GREB1L: variants seen among roughly 807,000 people sequenced by gnomAD.
The protein encoded by GREB1L is GREB1 like retinoic acid receptor coactivator.
A neutral mutation model predicts 200.8 loss-of-function variants in GREB1L; 17 were observed. The observed-to-expected ratio is 0.08, with a 90% CI of 0.06 to 0.13. The LOEUF is 0.13. GREB1L is among the 10% of genes least tolerant of loss of function. GREB1L has a pLI of 1.00. For synonymous variants in GREB1L, 789 were observed against 893.0 expected, an observed-to-expected ratio of 0.88 and a Z score of 2.08; for missense variants, 1,657 against 2,367.7, an observed-to-expected ratio of 0.70 and a Z score of 6.23.
intron 31 of GREB1L, among the ~76,000 whole-genome samples, chr18:21,519,298 C>T (rs2037531474): frequency 6.6e-6 from 1 of 152,024 alleles, no homozygotes. Context: ...CCTGTCACTA[C>T]AAAAAATAAA....
chr18:21,481,439 A>ATGTG (rs34711292), intron 17 of GREB1L, among the ~76,000 whole-genome samples: 4,922 of 127,166 alleles, frequency 0.039, 139 homozygotes, highest in Non-Finnish European at 0.062. Context: ...GTATATATGT[A>ATGTG]TGTGTGTGTG....
At chr18:21,365,198 A>G (rs906749142) in intron 1 of GREB1L, among the ~76,000 whole-genome samples, 25 of 152,128 alleles carry the variant, frequency 1.6e-4, no homozygotes, top group Non-Finnish European at 1.2e-4. Flanking sequence ...TTTACTTCAA[A>G]TATTTTAGTT....
At chr18:21,438,018 T>C (rs1457683288) in intron 7 of GREB1L, among the ~76,000 whole-genome samples, 2 of 152,160 alleles carry the variant, frequency 1.3e-5, no homozygotes, top group African/African-American at 4.8e-5. Flanking sequence ...TATAGGCTCA[T>C]GCCTATAATT....
chr18:21,489,447 C>G (rs957507640), intron 18 of GREB1L, among the ~76,000 whole-genome samples: 6 of 152,188 alleles, frequency 3.9e-5, no homozygotes, highest in Non-Finnish European at 7.3e-5. Flanking sequence ...ATGTCTAATA[C>G]TCGACAGATA....
intron 21 of GREB1L, among the ~76,000 whole-genome samples, chr18:21,497,505 A>T (rs1300671209): frequency 1.3e-5 from 2 of 151,840 alleles, no homozygotes; most frequent in African/African-American, 4.8e-5. Flanking sequence ...TTAGCTGGGC[A>T]TGGTGGCGGG....
intron 1 of GREB1L, among the ~76,000 whole-genome samples, chr18:21,344,284 C>A (rs2039311743): frequency 6.6e-6 from 1 of 152,048 alleles, no homozygotes; most frequent in Admixed American, 6.6e-5. Flanking sequence ...GCCTGTAGTC[C>A]CAGCTATTCG....
chr18:21,428,233 G>A (rs564426506), intron 7 of GREB1L, among the ~76,000 whole-genome samples: 1 of 143,710 alleles, frequency 7.0e-6, no homozygotes, highest in Non-Finnish European at 1.5e-5. Context: ...AAAAAGAGTG[G>A]ACATATCTTC....
At chr18:21,502,139 C>G (rs2036822813) in intron 23 of GREB1L, among the ~76,000 whole-genome samples, 1 of 152,034 alleles carries the variant, frequency 6.6e-6, no homozygotes, top group African/African-American at 2.4e-5. Flanking sequence ...GTTATCCCAG[C>G]TACTTGGGAG....
intron 11 of GREB1L, among the ~76,000 whole-genome samples, chr18:21,447,577 G>C (rs1299948378): frequency 6.6e-6 from 1 of 152,154 alleles, no homozygotes; most frequent in African/African-American, 2.4e-5. Context: ...TAGTCCTGGA[G>C]TGAGTCTTAT....
At chr18:21,376,531 G>A (rs1257160230) in intron 2 of GREB1L, among the ~76,000 whole-genome samples, 2 of 151,568 alleles carry the variant, frequency 1.3e-5, no homozygotes, top group Non-Finnish European at 2.9e-5. Flanking sequence ...AGGGCCGGGC[G>A]CAGTGGCTCA....
In GREB1L at chr18:21,454,381, C is replaced by G. The variant is rs1165460743; in HGVS notation, c.2000C>G (p.Thr667Ser). The change falls in exon 15 of 33, where the codon ACC becomes AGC. Residue 667 changes from threonine (T) to serine (S), a missense_variant. Around this residue, in one of 9 missense-constraint regions of GREB1L, gnomAD observed 239 missense variants for 421.8 expected, o/e 0.57. Coordinates refer to ENST00000424526, the MANE Select transcript of GREB1L (RefSeq NM_001142966.3). ...PTQNLDLDNE[T>S]FHIYQPQLTV... The stretch of plus-strand genomic sequence containing the variant: ...TAAATTTTAGATTTAGATAATGAAA[C>G]CTTCCACATTTATCAACCGCAGCTA... 6.4e-7 allele frequency: 1 copy of G among 1,550,498 alleles called. No homozygotes were observed. Among genetic ancestry groups the G allele is most frequent in the East Asian group, 2.4e-5 (1 of 40,926 alleles).
chr18:21,495,655 G>T lies in GREB1L; in HGVS notation c.3031-15G>T. On this transcript the variant is annotated splice_polypyrimidine_tract_variant and intron_variant, in intron 19 of 32. Coordinates refer to ENST00000424526, the MANE Select transcript of GREB1L (RefSeq NM_001142966.3). Reference sequence around the variant, plus strand: ...ATGAGAGTTTTAATTTTAACATACGGGTCTCTTTCTGTAGAGTTGGAGAGG... The same window carrying T: ...ATGAGAGTTTTAATTTTAACATACGTGTCTCTTTCTGTAGAGTTGGAGAGG... The T allele has an allele frequency of 7.7e-6, 10 of 1,298,950 alleles. No homozygotes were observed. The highest frequency in any genetic ancestry group is 1.1e-5 in the Non-Finnish European group (10 of 925,336). The allele number at this position is 1,298,950 out of a possible 1,614,324, so 80.5% of individuals were successfully genotyped here.
chr18:21,258,093 A>T (rs2037830234), intron 1 of GREB1L, among the ~76,000 whole-genome samples: 2 of 152,174 alleles, frequency 1.3e-5, no homozygotes, highest in African/African-American at 4.8e-5. Context: ...AGATTATAAG[A>T]TTGGGATGTC....
At chr18:21,279,582 A>T (rs550946890) in intron 1 of GREB1L, among the ~76,000 whole-genome samples, 2 of 152,328 alleles carry the variant, frequency 1.3e-5, no homozygotes, top group African/African-American at 4.8e-5. Flanking sequence ...ATGTAAGAGT[A>T]CCAATTTCAC....
intron 1 of GREB1L, among the ~76,000 whole-genome samples, chr18:21,357,723 CTG>C (rs1018960122): frequency 2.6e-5 from 4 of 152,202 alleles, no homozygotes; most frequent in African/African-American, 4.8e-5. Context: ...ATTGAAGAGA[CTG>C]TTCTTCCCCA....
At chr18:21,332,882 A>G (rs1411329414) in intron 1 of GREB1L, among the ~76,000 whole-genome samples, 1 of 151,958 alleles carries the variant, frequency 6.6e-6, no homozygotes. Flanking sequence ...GGAGTTCGAG[A>G]CCAGCCTGGG....
chr18:21,266,263 G>A (rs2037966154), intron 1 of GREB1L, among the ~76,000 whole-genome samples: 1 of 152,150 alleles, frequency 6.6e-6, no homozygotes, highest in South Asian at 2.1e-4. Context: ...ATTTTTAGGA[G>A]GAGAATGATT....
chr18:21,298,212 T>C (rs1316777545), intron 1 of GREB1L, among the ~76,000 whole-genome samples: 1 of 152,214 alleles, frequency 6.6e-6, no homozygotes, highest in African/African-American at 2.4e-5. Flanking sequence ...AATTCTTCCC[T>C]AGTTACCCCA....
chr18:21,294,343 AGGTCCCT>A (rs1423503967), intron 1 of GREB1L, among the ~76,000 whole-genome samples: 1 of 152,180 alleles, frequency 6.6e-6, no homozygotes, highest in Non-Finnish European at 1.5e-5. Flanking sequence ...CCTCCAATAC[AGGTCCCT>A]ATAAAATGCC....
Sources: allele counts gnomAD v4.1 joint callset (sites outside exome capture counted in the v4.1 genomes callset), GRCh38; gene constraint gnomAD v4.1.1; regional missense constraint gnomAD v4.1.1; transcripts MANE v1.5; gene names NCBI Gene and HGNC (gene_info 2026-07-23, HGNC 2026-07-21).